The following TRIO variants were observed in gnomAD, a reference collection of about 807,000 sequenced individuals.
The protein encoded by TRIO is trio Rho guanine nucleotide exchange factor.
In TRIO, 58 loss-of-function variants were observed where a neutral mutation model predicts 351.9. The ratio of observed to expected loss-of-function variants is 0.16; its 90% confidence interval spans 0.13 to 0.21. TRIO has a LOEUF of 0.21. Ranked by LOEUF, TRIO falls within the 10% of genes least tolerant of loss-of-function variation. TRIO has a pLI of 1.00. For synonymous variants in TRIO, 1,758 were observed against 1,595.7 expected, an observed-to-expected ratio of 1.10 and a Z score of -2.42; for missense variants, 3,201 against 4,027.8, an observed-to-expected ratio of 0.79 and a Z score of 5.56.
chr5:14,407,306 A>G (rs1748812503), intron 33 of TRIO, among the ~76,000 whole-genome samples: 1 of 152,216 alleles, frequency 6.6e-6, no homozygotes, highest in Non-Finnish European at 1.5e-5. Context: ...ACTCTGGCAT[A>G]TCTGCACAGT....
At chr5:14,324,874 T>G (rs1385012350) in intron 9 of TRIO, among the ~76,000 whole-genome samples, 1 of 152,196 alleles carries the variant, frequency 6.6e-6, no homozygotes, top group African/African-American at 2.4e-5. Context: ...TAGCTGAATG[T>G]TCAAGGACTT....
chr5:14,409,100 G>A (rs1177039845), intron 33 of TRIO, among the ~76,000 whole-genome samples: 5 of 152,038 alleles, frequency 3.3e-5, no homozygotes, highest in African/African-American at 7.3e-5. Context: ...CTGGTGCCAC[G>A]ACTTATCTCC....
At position 14,162,092 on chromosome 5, in the gene TRIO, G is replaced by A. The variant is rs935871336; in HGVS notation, c.157+18210G>A. 3.3e-5 allele frequency among the ~76,000 whole-genome samples: 5 copies of A among 152,194 alleles called. 1 individual carries two copies. Among genetic ancestry groups the A allele is most frequent in the African/African-American group, 1.2e-4 (5 of 41,446 alleles). ...TGCCAAGGCACAGTATTAGTTGTGG[G>A]TTATGGAATCACGGCCAATTTGGAG... On this transcript the variant is annotated intron_variant, in intron 1 of 56. Coordinates refer to ENST00000344204, the MANE Select transcript of TRIO (RefSeq NM_007118.4).
intron 37 of TRIO, among the ~76,000 whole-genome samples, chr5:14,469,609 G>A (rs1378639003): frequency 6.6e-6 from 1 of 152,226 alleles, no homozygotes; most frequent in Non-Finnish European, 1.5e-5. Context: ...CCTTAGGCTG[G>A]TGACAGCCTT....
chr5:14,418,418 T>C (rs545982999), intron 33 of TRIO, among the ~76,000 whole-genome samples: 1 of 152,024 alleles, frequency 6.6e-6, no homozygotes, highest in East Asian at 1.9e-4. Flanking sequence ...AGTGAAGTGA[T>C]TGGTATGGGA....
At chr5:14,235,444 G>T (rs1054010789) in intron 1 of TRIO, among the ~76,000 whole-genome samples, 1 of 152,146 alleles carries the variant, frequency 6.6e-6, no homozygotes, top group Non-Finnish European at 1.5e-5. Flanking sequence ...TTTCATGTTT[G>T]ACACTGGAGT....
chr5:14,505,930 C>A (rs1479923569), intron 55 of TRIO, among the ~76,000 whole-genome samples: 1 of 152,242 alleles, frequency 6.6e-6, no homozygotes, highest in East Asian at 1.9e-4. Context: ...CTCGCCTGGC[C>A]TCAGTCCCCG....
rs943977579 is a variant in TRIO at position 14,236,643 on chromosome 5, T to C, written c.158-34182T>C. On this transcript the variant is annotated intron_variant, in intron 1 of 56. Transcript: ENST00000344204. ...ATATGTTTTAAATAACCAATTACTCTTTTGTGTGGAATGTCTTAGTATAAT... is the reference window on the plus strand; with the variant it reads ...ATATGTTTTAAATAACCAATTACTCCTTTGTGTGGAATGTCTTAGTATAAT... Among the ~76,000 whole-genome samples the C allele has an allele frequency of 6.6e-4, 100 of 152,242 alleles. 1 individual carries two copies. Among genetic ancestry groups the C allele is most frequent in the African/African-American group, 2.4e-3 (99 of 41,464 alleles).
At chr5:14,446,248 A>T (rs1260947466) in intron 34 of TRIO, among the ~76,000 whole-genome samples, 1 of 152,042 alleles carries the variant, frequency 6.6e-6, no homozygotes, top group African/African-American at 2.4e-5. Flanking sequence ...GGTGCGGGAC[A>T]TTCTTAGAAA....
chr5:14,294,428 T>C (rs557601633), intron 6 of TRIO, among the ~76,000 whole-genome samples: 2 of 152,382 alleles, frequency 1.3e-5, no homozygotes, highest in Non-Finnish European at 2.9e-5. Context: ...AAAATTTGTT[T>C]GTAAAAAATT....
At chr5:14,320,370 T>C (rs1739770348) in intron 9 of TRIO, among the ~76,000 whole-genome samples, 1 of 152,170 alleles carries the variant, frequency 6.6e-6, no homozygotes, top group Non-Finnish European at 1.5e-5. Context: ...GTGGCTCTTC[T>C]TGGATTGTTG....
At chr5:14,487,368 C>G (rs973183656) in intron 47 of TRIO, 96 bp from the exon 48 acceptor site, 115 of 1,064,792 alleles carry the variant, frequency 1.1e-4, no homozygotes, top group Non-Finnish European at 1.3e-4. Context: ...GGGGTCTGCC[C>G]CATGACCCAT....
intron 9 of TRIO, among the ~76,000 whole-genome samples, chr5:14,322,923 G>A (rs554706540): frequency 6.6e-5 from 10 of 152,302 alleles, no homozygotes; most frequent in Admixed American, 5.9e-4. Context: ...GAGGCCACCT[G>A]CTGATCTTCC....
intron 1 of TRIO, among the ~76,000 whole-genome samples, chr5:14,172,670 C>T (rs1442432421): frequency 6.6e-6 from 1 of 152,208 alleles, no homozygotes; most frequent in Non-Finnish European, 1.5e-5. Context: ...GCCTTCGTGG[C>T]ATCACTGAGG....
chr5:14,261,547 G>A (rs1177737316), intron 1 of TRIO, among the ~76,000 whole-genome samples: 2 of 152,216 alleles, frequency 1.3e-5, no homozygotes, highest in African/African-American at 4.8e-5. Context: ...CTTCCATCAT[G>A]CTTGGTCTGT....
chr5:14,475,037 A>G (rs941498891), intron 40 of TRIO, among the ~76,000 whole-genome samples: 6 of 152,166 alleles, frequency 3.9e-5, no homozygotes, highest in Non-Finnish European at 8.8e-5. Flanking sequence ...TGATCCCACT[A>G]CATTCCCCAC....
At chr5:14,165,175 T>C (rs1403175557) in intron 1 of TRIO, among the ~76,000 whole-genome samples, 3 of 152,236 alleles carry the variant, frequency 2.0e-5, no homozygotes, top group Non-Finnish European at 2.9e-5. Context: ...AGATTTGTTA[T>C]GTGAGAATAT....
intron 33 of TRIO, among the ~76,000 whole-genome samples, chr5:14,412,328 C>T (rs990026892): frequency 6.6e-6 from 1 of 152,080 alleles, no homozygotes; most frequent in Non-Finnish European, 1.5e-5. Context: ...GCAATCAGCT[C>T]TTTCTGTCAA....
At position 14,508,223 on chromosome 5, in the gene TRIO, A is replaced by G. The variant is rs1342545757; in HGVS notation, c.9095A>G (p.Gln3032Arg). Residue 3032 changes from glutamine to arginine, a missense_variant, in exon 57 of 57, where the codon CAG (glutamine) becomes CGG (arginine). This residue lies in a region of TRIO where 233 missense variants were observed against 292.6 expected (regional missense o/e 0.80). Coordinates refer to ENST00000344204, the MANE Select transcript of TRIO (RefSeq NM_007118.4). ...KAKEFVCFLL[Q>R]EDPAKRPSAA... The stretch of plus-strand genomic sequence containing the variant: ...AAGGAGTTCGTGTGCTTCCTCCTGC[A>G]GGAGGACCCCGCCAAGCGTCCCTCG... 1 of 1,613,962 alleles carries G rather than the reference A, an allele frequency of 6.2e-7. No homozygotes were observed. Among genetic ancestry groups the G allele is most frequent in the East Asian group, 2.2e-5 (1 of 44,894 alleles).
Sources: allele counts gnomAD v4.1 joint callset (sites outside exome capture counted in the v4.1 genomes callset), GRCh38; gene constraint gnomAD v4.1.1; regional missense constraint gnomAD v4.1.1; transcripts MANE v1.5; gene names NCBI Gene and HGNC (gene_info 2026-07-23, HGNC 2026-07-21).